Variants in ZFHX3 observed in about 807,000 individuals in gnomAD.
ZFHX3 encodes the protein zinc finger homeobox 3.
A neutral mutation model predicts 279.1 loss-of-function variants in ZFHX3; 42 were observed. That is an observed-to-expected ratio of 0.15 (90% CI 0.12 to 0.19). The LOEUF is 0.19. ZFHX3 is among the 10% of genes least tolerant of loss of function. The probability of loss-of-function intolerance (pLI) is 1.00; values close to 1 mark genes in which losing one functional copy is unlikely to be tolerated. For missense variants in ZFHX3, 4,981 were observed against 4,754.0 expected (o/e 1.05, Z -1.40); for synonymous variants, 2,293 against 1,957.8 (o/e 1.17, Z -4.52).
chr16:73,767,806 A>T (rs1409963146), intron 1 of ZFHX3, among the ~76,000 whole-genome samples: 1 of 152,114 alleles, frequency 6.6e-6, no homozygotes, highest in East Asian at 1.9e-4. Flanking sequence ...GTCTTACGTA[A>T]TCAGCTGATA....
At chr16:73,508,941 C>T (rs1344822745) in intron 2 of ZFHX3, among the ~76,000 whole-genome samples, 5 of 152,242 alleles carry the variant, frequency 3.3e-5, no homozygotes, top group African/African-American at 7.2e-5. Context: ...TCTACAAAGC[C>T]TCAAATATTA....
rs1194412913 is a variant in ZFHX3, at chr16:72,783,689, T to G, written c.*3475A>C. On this transcript the variant is annotated 3_prime_UTR_variant, in exon 10 of 10. Transcript: ENST00000268489. ...GATGAAATAACTCCCATTCTGTGGG[T>G]CAGACTGGTGTCTAGCACCAACCCA... The G allele has an allele frequency of 1.3e-5, 2 of 152,188 alleles. No individual in the cohort carries two copies. Among genetic ancestry groups the G allele is most frequent in the Non-Finnish European group, 2.9e-5 (2 of 68,032 alleles). The allele number at this position is 152,188 out of a possible 1,614,324, so 9.4% of individuals were successfully genotyped here. A position where few individuals can be genotyped will look rare whatever the true frequency, so the allele number is the denominator to read the frequency against.
intron 1 of ZFHX3, among the ~76,000 whole-genome samples, chr16:73,778,237 A>T (rs867985084): frequency 0.072 from 1,686 of 23,264 alleles, 33 homozygotes; most frequent in African/African-American, 0.24. Flanking sequence ...AAGGAGTGTT[A>T]AAAAAAAAAA....
intron 5 of ZFHX3, among the ~76,000 whole-genome samples, chr16:72,817,547 G>A (rs1039899643): frequency 1.3e-5 from 2 of 152,144 alleles, no homozygotes; most frequent in Non-Finnish European, 2.9e-5. Flanking sequence ...TGTTTCCTAA[G>A]CAAAATTCAT....
intron 4 of ZFHX3, among the ~76,000 whole-genome samples, chr16:72,878,688 A>G (rs989569035): frequency 3.9e-5 from 6 of 152,188 alleles, no homozygotes; most frequent in Non-Finnish European, 8.8e-5. Flanking sequence ...CCCTGGGGCA[A>G]AGTGCTACTT....
intron 2 of ZFHX3, among the ~76,000 whole-genome samples, chr16:73,463,627 G>A (rs1268558220): frequency 1.3e-5 from 2 of 151,712 alleles, no homozygotes; most frequent in African/African-American, 4.8e-5. Context: ...TTTCCCCGTC[G>A]AACCCCTCCC....
At chr16:72,987,367 T>A (rs773603158) in intron 1 of ZFHX3, among the ~76,000 whole-genome samples, 1 of 152,150 alleles carries the variant, frequency 6.6e-6, no homozygotes, top group Non-Finnish European at 1.5e-5. Flanking sequence ...AGTAAGATGA[T>A]GTGGAGGCTG....
At chr16:72,883,004 G>T (rs1284683508) in intron 4 of ZFHX3, among the ~76,000 whole-genome samples, 1 of 139,882 alleles carries the variant, frequency 7.1e-6, no homozygotes, top group African/African-American at 2.7e-5. Context: ...GTGTGTGTGT[G>T]TGTGTGTGTG....
At chr16:73,593,611 G>A (rs1235277128) in intron 2 of ZFHX3, among the ~76,000 whole-genome samples, 1 of 151,140 alleles carries the variant, frequency 6.6e-6, no homozygotes, top group Non-Finnish European at 1.5e-5. Flanking sequence ...AAGGAAGGAA[G>A]GAAGGAAGGG....
intron 3 of ZFHX3, among the ~76,000 whole-genome samples, chr16:73,347,392 G>A (rs2016143499): frequency 6.6e-6 from 1 of 152,238 alleles, no homozygotes; most frequent in African/African-American, 2.4e-5. Context: ...GGGATACCCA[G>A]TCGTGGAAAC....
intron 1 of ZFHX3, among the ~76,000 whole-genome samples, chr16:72,983,639 C>T (rs552787478): frequency 6.6e-5 from 10 of 151,972 alleles, no homozygotes; most frequent in African/African-American, 2.4e-4. Flanking sequence ...CCCAGGAGTT[C>T]GAGGCTGCAG....
At chr16:73,029,135 T>C (rs1010283499) in intron 1 of ZFHX3, among the ~76,000 whole-genome samples, 8 of 152,114 alleles carry the variant, frequency 5.3e-5, no homozygotes, top group African/African-American at 1.4e-4. Flanking sequence ...GGGGCCATCT[T>C]GGCTGCCCAG....
At chr16:73,189,730 C>T (rs1349784898) in intron 5 of ZFHX3, among the ~76,000 whole-genome samples, 1 of 152,180 alleles carries the variant, frequency 6.6e-6, no homozygotes, top group Admixed American at 6.5e-5. Flanking sequence ...CTTGGGCATT[C>T]CCCCTGAGCT....
intron 1 of ZFHX3, among the ~76,000 whole-genome samples, chr16:73,731,793 A>C (rs2053571971): frequency 6.6e-6 from 1 of 152,248 alleles, no homozygotes; most frequent in Non-Finnish European, 1.5e-5. Context: ...GTAAGCAGGC[A>C]TCATTTAGGC....
At chr16:73,023,012 G>C (rs1220340008) in intron 1 of ZFHX3, among the ~76,000 whole-genome samples, 1 of 152,188 alleles carries the variant, frequency 6.6e-6, no homozygotes. Context: ...CAGATCACTT[G>C]AGGTCAGGAG....
intron 4 of ZFHX3, among the ~76,000 whole-genome samples, chr16:73,269,290 T>C (rs1455795381): frequency 2.0e-5 from 3 of 152,346 alleles, no homozygotes; most frequent in African/African-American, 7.2e-5. Context: ...ATGGTTCTTT[T>C]GTCCCTGAAC....
At chr16:73,165,349 G>C (rs961579540) in intron 5 of ZFHX3, among the ~76,000 whole-genome samples, 1 of 152,148 alleles carries the variant, frequency 6.6e-6, no homozygotes, top group African/African-American at 2.4e-5. Flanking sequence ...AGGAGGTCTT[G>C]TACGATTATG....
chr16:73,410,727 G>C (rs1023458953), intron 3 of ZFHX3, among the ~76,000 whole-genome samples: 1 of 152,256 alleles, frequency 6.6e-6, no homozygotes, highest in African/African-American at 2.4e-5. Context: ...CCCAACAAGA[G>C]AGGCTGCATC....
At chr16:73,345,417 G>A (rs1413534516) in intron 3 of ZFHX3, among the ~76,000 whole-genome samples, 1 of 64,950 alleles carries the variant, frequency 1.5e-5, no homozygotes, top group Admixed American at 2.4e-4. Flanking sequence ...ACAGGCCCCA[G>A]TATGTGTTGT....
Sources: allele counts gnomAD v4.1 joint callset (sites outside exome capture counted in the v4.1 genomes callset), GRCh38; gene constraint gnomAD v4.1.1; transcripts MANE v1.5; gene names NCBI Gene and HGNC (gene_info 2026-07-23, HGNC 2026-07-21).